Variants in TMEM132D observed in about 807,000 individuals in gnomAD.
The protein encoded by TMEM132D is mature OL transmembrane protein.
TMEM132D carries 21 observed loss-of-function variants against 62.3 expected under a neutral mutation model. The observed-to-expected ratio is 0.34, with a 90% CI of 0.24 to 0.49. The LOEUF (loss-of-function observed/expected upper bound fraction) is 0.49, where lower values mean the gene tolerates loss of function less well. TMEM132D is among the 20% of genes least tolerant of loss of function. TMEM132D has a pLI of 0.99. For synonymous variants in TMEM132D, 621 were observed against 575.6 expected (o/e 1.08, Z -1.13); for missense variants, 1,346 against 1,402.8 (o/e 0.96, Z 0.65).
At chr12:129,377,581 C>A (rs1870819930) in intron 3 of TMEM132D, among the ~76,000 whole-genome samples, 1 of 152,020 alleles carries the variant, frequency 6.6e-6, no homozygotes, top group African/African-American at 2.4e-5. Flanking sequence ...GATGGTCTAC[C>A]ATATTCCAGT....
intron 4 of TMEM132D, among the ~76,000 whole-genome samples, chr12:129,218,792 C>A (rs1345468211): frequency 6.6e-6 from 1 of 152,142 alleles, no homozygotes; most frequent in African/African-American, 2.4e-5. Context: ...TGAATTCCCC[C>A]CAAAACAGGC....
chr12:129,823,561 T>G (rs2137327118), intron 1 of TMEM132D, among the ~76,000 whole-genome samples: 1 of 152,332 alleles, frequency 6.6e-6, no homozygotes, highest in South Asian at 2.1e-4. Context: ...TGCAAACTCT[T>G]TTATGCACAT....
At chr12:129,568,794 A>C (rs1166659326) in intron 2 of TMEM132D, among the ~76,000 whole-genome samples, 1 of 152,210 alleles carries the variant, frequency 6.6e-6, no homozygotes, top group Non-Finnish European at 1.5e-5. Context: ...TGGTTGGTTC[A>C]GCATAAAGGA....
At chr12:129,518,857 C>T (rs902463148) in intron 3 of TMEM132D, among the ~76,000 whole-genome samples, 2 of 151,798 alleles carry the variant, frequency 1.3e-5, no homozygotes, top group Non-Finnish European at 2.9e-5. Flanking sequence ...GTATAATACT[C>T]CTGATTATTT....
rs1555232072 is a variant in TMEM132D, at chr12:129,794,273, T to TC, written c.80-93576_80-93575insG. 4.5e-5 allele frequency among the ~76,000 whole-genome samples: 6 copies of TC among 134,600 alleles called. No homozygotes were observed. The East Asian group carries it at 1.1e-3, about 26-fold the overall frequency. The allele number at this position is 134,600 out of a possible 152,430, so 88.3% of individuals were successfully genotyped here. A position where few individuals can be genotyped will look rare whatever the true frequency, so the allele number is the denominator to read the frequency against. On this transcript the variant is annotated intron_variant, in intron 1 of 8. Transcript: ENST00000422113. ...CCAGCATTTTTTTTTTTTTTTTTTT[T>TC]GTATTTTTGGTAGAGAAAGGGTTTT...
chr12:129,493,473 T>C (rs1157015737), intron 3 of TMEM132D, among the ~76,000 whole-genome samples: 1 of 152,238 alleles, frequency 6.6e-6, no homozygotes, highest in Non-Finnish European at 1.5e-5. Flanking sequence ...TTCCTAATTG[T>C]CTTCTTCAGA....
chr12:129,703,569 G>A (rs1297724228), intron 1 of TMEM132D, among the ~76,000 whole-genome samples: 1 of 151,818 alleles, frequency 6.6e-6, no homozygotes, highest in Non-Finnish European at 1.5e-5. Context: ...TACAGGAATG[G>A]TTACTGTCAC....
intron 4 of TMEM132D, among the ~76,000 whole-genome samples, chr12:129,243,121 T>C (rs1302392411): frequency 6.6e-6 from 1 of 152,228 alleles, no homozygotes; most frequent in Non-Finnish European, 1.5e-5. Flanking sequence ...CACGTATGTG[T>C]ACACACACGT....
chr12:129,774,584 G>A (rs920248366), intron 1 of TMEM132D, among the ~76,000 whole-genome samples: 4 of 152,122 alleles, frequency 2.6e-5, no homozygotes, highest in Non-Finnish European at 5.9e-5. Context: ...CTGTAACCGG[G>A]GTAGAGACTC....
chr12:129,385,438 A>G (rs892171191), intron 3 of TMEM132D, among the ~76,000 whole-genome samples: 1 of 152,000 alleles, frequency 6.6e-6, no homozygotes, highest in Non-Finnish European at 1.5e-5. Context: ...TGGATTATAC[A>G]TTTACTAGGA....
intron 5 of TMEM132D, among the ~76,000 whole-genome samples, chr12:129,150,317 G>C (rs773501071): frequency 1.6e-4 from 25 of 152,214 alleles, no homozygotes; most frequent in African/African-American, 5.5e-4. Flanking sequence ...GCGACGAACA[G>C]GGGGCTGACG....
chr12:129,416,420 T>C (rs368679230), intron 3 of TMEM132D, among the ~76,000 whole-genome samples: 108 of 152,384 alleles, frequency 7.1e-4, no homozygotes, highest in African/African-American at 2.5e-3. Flanking sequence ...GAGAATTTGC[T>C]GAAGTTGCTC....
Position 129,531,174 on chromosome 12 carries a change from C to T in TMEM132D, c.1000G>A (p.Gly334Ser), listed in dbSNP as rs376182162. 2.2e-5 allele frequency: 35 copies of T among 1,612,862 alleles called. No homozygotes were observed. Among genetic ancestry groups the T allele is most frequent in the Admixed American group, 3.3e-5 (2 of 59,972 alleles). Residue 334 changes from glycine to serine, a missense_variant, in exon 3 of 9, where the codon GGC (glycine) becomes AGC (serine). Physicochemically the swap from Gly to Ser is moderately conservative, Grantham distance 56. Transcript: ENST00000422113. The part of the protein sequence containing the change: ...AKVKKGVNII[G>S]VRASSPSIWD... ...ATGGAAGGGCTGCTGGCTCGCACGC[C>T]GATGATGTTCACGCCTTTCTTCACC...
At chr12:129,636,731 T>TGA (rs1879489753) in intron 2 of TMEM132D, among the ~76,000 whole-genome samples, 3 of 125,708 alleles carry the variant, frequency 2.4e-5, no homozygotes, top group Admixed American at 8.7e-5. Context: ...TGTGTGTGTG[T>TGA]GTGTGTGAGA....
chr12:129,805,181 G>GA (rs1398895511), intron 1 of TMEM132D, among the ~76,000 whole-genome samples: 1 of 151,566 alleles, frequency 6.6e-6, no homozygotes, highest in Non-Finnish European at 1.5e-5. Flanking sequence ...CACAGAATTG[G>GA]AAAAAACTAC....
At chr12:129,657,211 G>T (rs944318363) in intron 2 of TMEM132D, among the ~76,000 whole-genome samples, 2 of 152,208 alleles carry the variant, frequency 1.3e-5, no homozygotes, top group African/African-American at 2.4e-5. Context: ...AGTAACATGT[G>T]CAACATCTGT....
At chr12:129,649,730 T>C (rs1005385588) in intron 2 of TMEM132D, among the ~76,000 whole-genome samples, 1 of 149,180 alleles carries the variant, frequency 6.7e-6, no homozygotes, top group Non-Finnish European at 1.5e-5. Flanking sequence ...TCCATGTTAT[T>C]CTATATAATA....
intron 3 of TMEM132D, among the ~76,000 whole-genome samples, chr12:129,426,646 T>C (rs546104428): frequency 1.3e-5 from 2 of 152,302 alleles, no homozygotes; most frequent in African/African-American, 4.8e-5. Flanking sequence ...GAGCATAAGG[T>C]TCGAAATAAT....
At position 129,227,639 on chromosome 12, in the gene TMEM132D, T is replaced by A. The variant is rs146580033; in HGVS notation, c.1300-17976A>T. Among the ~76,000 whole-genome samples, 1,213 of 151,896 alleles carry A rather than the reference T, an allele frequency of 8.0e-3. 25 individuals carry two copies. The highest frequency in any genetic ancestry group is 0.072 in the East Asian group (372 of 5,162). On this transcript the variant is annotated intron_variant, in intron 4 of 8. Transcript: ENST00000422113. ...TATACTTTAAGTTCTAGGGGACATGTGCACAATGTGCAGGTTTGTTACATA... is the reference window on the plus strand; with the variant it reads ...TATACTTTAAGTTCTAGGGGACATGAGCACAATGTGCAGGTTTGTTACATA...
Sources: gnomAD v4.1 joint callset for allele counts (sites outside exome capture counted in the v4.1 genomes callset) on GRCh38, gnomAD v4.1.1 for gene constraint, MANE v1.5 for transcripts, NCBI Gene and HGNC (gene_info 2026-07-23, HGNC 2026-07-21) for gene names.